TG: variants seen among roughly 807,000 people sequenced by gnomAD.
The protein encoded by TG is thyroid hormones.
In TG, 270 loss-of-function variants were observed where a neutral mutation model predicts 324.7. The observed-to-expected ratio is 0.83, with a 90% CI of 0.75 to 0.92. The LOEUF (loss-of-function observed/expected upper bound fraction) is 0.92, where lower values mean the gene tolerates loss of function less well. Ranked by LOEUF, TG falls within the 40% of genes least tolerant of loss-of-function variation. TG has a pLI of 0.00. For synonymous variants in TG, 1,401 were observed against 1,327.0 expected, an observed-to-expected ratio of 1.06 and a Z score of -1.21; for missense variants, 3,591 against 3,456.4, an observed-to-expected ratio of 1.04 and a Z score of -0.98.
intron 1 of TG, among the ~76,000 whole-genome samples, chr8:132,867,567 A>G (rs929886245): frequency 4.0e-5 from 6 of 149,398 alleles, no homozygotes; most frequent in Admixed American, 1.3e-4. Context: ...CAAATAACAC[A>G]CACCTCATGA....
intron 5 of TG, among the ~76,000 whole-genome samples, chr8:132,875,301 C>T (rs1220786168): frequency 6.6e-6 from 1 of 152,214 alleles, no homozygotes; most frequent in East Asian, 1.9e-4. Flanking sequence ...CTTATTGCTG[C>T]AAACCAATGT....
At position 132,917,343 on chromosome 8, in the gene TG, C is replaced by T. The variant is rs556050268; in HGVS notation, c.4379-2033C>T. Among the ~76,000 whole-genome samples the T allele has an allele frequency of 7.9e-5, 12 of 151,964 alleles. No individual in the cohort carries two copies. The South Asian group carries it at 1.7e-3, about 21-fold the overall frequency. ...CTTGAAAGGTGAGGAGGAATCGTTG[C>T]TCAGACAAGAGCAGACAGAAGGTAG... On this transcript the variant is annotated intron_variant, in intron 20 of 47. Transcript: ENST00000220616.
chr8:133,067,905 A>G (rs1843310488), intron 41 of TG, among the ~76,000 whole-genome samples: 1 of 55,382 alleles, frequency 1.8e-5, no homozygotes, highest in African/African-American at 5.1e-5. Context: ...GAAGGAAGGA[A>G]GGAAGGAAGG....
intron 20 of TG, among the ~76,000 whole-genome samples, 188 bp from the exon 21 acceptor site, chr8:132,919,188 C>T (rs539199271): frequency 9.2e-5 from 14 of 152,298 alleles, no homozygotes; most frequent in East Asian, 3.9e-4. Flanking sequence ...GCAGGAAGCT[C>T]GCCTGACTTC....
intron 41 of TG, among the ~76,000 whole-genome samples, chr8:133,039,094 G>A (rs1179798148): frequency 6.6e-6 from 1 of 152,100 alleles, no homozygotes; most frequent in Non-Finnish European, 1.5e-5. Context: ...GGCCAGGCTG[G>A]TCTCAAACTC....
At position 132,935,875 on chromosome 8, in the gene TG, C is replaced by A; in HGVS notation, c.5041+11C>A. 1.2e-6 allele frequency: 2 copies of A among 1,610,226 alleles called. No homozygotes were observed. The highest frequency in any genetic ancestry group is 2.2e-5 in the South Asian group (2 of 90,838). On this transcript the variant is annotated intron_variant, in intron 25 of 47. Coordinates refer to ENST00000220616, the MANE Select transcript of TG (RefSeq NM_003235.5). ...TGTATTTGAAAAAGGGTAGGTTGGT[C>A]AGGCTGGTTGGCTTAGGCCCGCGGT...
rs56867684 is a variant in TG, at chr8:132,986,396, ATATATATGTATGTG to A, written c.6262+2992_6262+3005del. On this transcript the variant is annotated intron_variant, in intron 35 of 47. Coordinates refer to ENST00000220616, the MANE Select transcript of TG (RefSeq NM_003235.5). ...TATATATATGTGTGTATATATGTGT[ATATATATGTATGTG>A]TATATATATATGTATGTATCTCCAA... Among the ~76,000 whole-genome samples, 758 of 109,126 alleles carry A rather than the reference ATATATATGTATGTG, an allele frequency of 6.9e-3. 8 individuals are homozygous for A. The highest frequency in any genetic ancestry group is 0.028 in the African/African-American group (702 of 24,972). The allele number at this position is 109,126 out of a possible 152,430, so 71.6% of individuals were successfully genotyped here.
chr8:133,058,818 G>T (rs1841929770), intron 41 of TG, among the ~76,000 whole-genome samples: 1 of 152,202 alleles, frequency 6.6e-6, no homozygotes, highest in Non-Finnish European at 1.5e-5. Flanking sequence ...TGGTCCTGGG[G>T]AATATTCTTT....
At chr8:133,073,865 T>C (rs1232382221) in intron 41 of TG, among the ~76,000 whole-genome samples, 1 of 152,128 alleles carries the variant, frequency 6.6e-6, no homozygotes, top group African/African-American at 2.4e-5. Context: ...CTGAGCCTCA[T>C]TTCCTCAGTT....
chr8:133,023,869 G>A (rs1462242768), intron 40 of TG, among the ~76,000 whole-genome samples: 1 of 152,180 alleles, frequency 6.6e-6, no homozygotes, highest in Non-Finnish European at 1.5e-5. Flanking sequence ...TTGGCTGCCG[G>A]CAGGGGCAGC....
At chr8:132,983,311 G>C in intron 34 of TG, 39 bp from the exon 35 acceptor site, 1 of 1,602,224 alleles carries the variant, frequency 6.2e-7, no homozygotes. Flanking sequence ...GATACCATGG[G>C]GGTAGAAAAG....
chr8:133,075,410 G>A (rs1844712841), intron 41 of TG, among the ~76,000 whole-genome samples: 1 of 152,126 alleles, frequency 6.6e-6, no homozygotes, highest in Non-Finnish European at 1.5e-5. Context: ...GATTAAAGGA[G>A]ACTAAAGAGA....
chr8:132,919,577 A>G lies in TG; in HGVS notation c.4528+52A>G, dbSNP rs750072626. 7 of 1,607,846 alleles carry G rather than the reference A, an allele frequency of 4.4e-6. No individual in the cohort carries two copies. In the Admixed American group the frequency reaches 1.2e-4, roughly 27 times the overall value. On this transcript the variant is annotated intron_variant, in intron 21 of 47. Coordinates refer to ENST00000220616, the MANE Select transcript of TG (RefSeq NM_003235.5). ...AAGAAAAGCCCTGCAATGAAATGGA[A>G]CTCAACAGGGTTTCCCAATCTCTGC...
chr8:133,083,638 A>G (rs1050845533), intron 41 of TG, among the ~76,000 whole-genome samples: 1 of 152,172 alleles, frequency 6.6e-6, no homozygotes, highest in African/African-American at 2.4e-5. Flanking sequence ...TCAGTGCAAG[A>G]GTCAGTAAGA....
chr8:133,094,242 CT>C (rs765931953), intron 41 of TG, among the ~76,000 whole-genome samples: 58,969 of 126,222 alleles, frequency 0.47, 12,990 homozygotes, highest in African/African-American at 0.52. Context: ...CTGTCGTTTT[CT>C]TTTTTTTTTT....
At chr8:132,973,988 CTTTTTTT>C (rs869164425) in intron 34 of TG, among the ~76,000 whole-genome samples, 2 of 113,002 alleles carry the variant, frequency 1.8e-5, no homozygotes, top group East Asian at 2.2e-4. Flanking sequence ...TTGACCATTC[CTTTTTTT>C]TTTTTTTTTT....
intron 29 of TG, among the ~76,000 whole-genome samples, chr8:132,966,045 A>G (rs1828516352): frequency 6.6e-6 from 1 of 152,256 alleles, no homozygotes. Flanking sequence ...CTGACTTTGT[A>G]GATGAAGACT....
intron 39 of TG, among the ~76,000 whole-genome samples, chr8:133,021,567 G>C (rs1023256505): frequency 2.0e-5 from 3 of 152,208 alleles, no homozygotes; most frequent in African/African-American, 7.2e-5. Flanking sequence ...AAACAACAGA[G>C]AGATTTTTCT....
chr8:132,911,229 G>A, intron 18 of TG, 148 bp from the exon 19 acceptor site: 1 of 1,381,442 alleles, frequency 7.2e-7, no homozygotes, highest in Non-Finnish European at 1.0e-6. Flanking sequence ...ATGTGGAAAA[G>A]GGGGTCACTA....
Sources: allele counts gnomAD v4.1 joint callset (sites outside exome capture counted in the v4.1 genomes callset), GRCh38; gene constraint gnomAD v4.1.1; transcripts MANE v1.5; gene names NCBI Gene and HGNC (gene_info 2026-07-23, HGNC 2026-07-21).